Variants in AGAP5 observed in about 807,000 individuals in gnomAD.
AGAP5 encodes ArfGAP with GTPase domain, ankyrin repeat and PH domain 5.
A neutral mutation model predicts 27.7 loss-of-function variants in AGAP5; 8 were observed. That is an observed-to-expected ratio of 0.29 (90% CI 0.17 to 0.52). The LOEUF (loss-of-function observed/expected upper bound fraction) is 0.52. Ranked by LOEUF, AGAP5 falls within the 20% of genes least tolerant of loss-of-function variation. The probability of loss-of-function intolerance (pLI) is 0.97; values close to 1 mark genes in which losing one functional copy is unlikely to be tolerated. For synonymous variants in AGAP5, 111 were observed against 338.0 expected, an observed-to-expected ratio of 0.33 and a Z score of 7.37; for missense variants, 285 against 880.8, an observed-to-expected ratio of 0.32 and a Z score of 8.56.
At position 73,674,380 on chromosome 10, in the gene AGAP5, C is replaced by T. The variant is rs1487386966; in HGVS notation, c.*219G>A. 1.6e-5 allele frequency: 10 copies of T among 627,794 alleles called. No homozygotes were observed. Among genetic ancestry groups the T allele is most frequent in the Non-Finnish European group, 2.6e-5 (9 of 351,370 alleles). The allele number at this position is 627,794 out of a possible 1,614,324, so 38.9% of individuals were successfully genotyped here. ...GCCTGTGTGACTTGGGCAATGTGGC[C>T]AGGAGGGCCTGAGACTAACACATCC... On this transcript the variant is annotated 3_prime_UTR_variant, in exon 8 of 8. Coordinates refer to ENST00000374094, the MANE Select transcript of AGAP5 (RefSeq NM_001144000.4).
At chr10:73,689,050 C>G (rs1035978009) in intron 4 of AGAP5, among the ~76,000 whole-genome samples, 3 of 152,202 alleles carry the variant, frequency 2.0e-5, no homozygotes, top group Admixed American at 6.5e-5. Flanking sequence ...GAAGCTGGAC[C>G]GTACTGCTGC....
chr10:73,697,664 A>T lies in AGAP5; in HGVS notation c.92T>A (p.Ile31Asn), dbSNP rs752251773. The T allele has an allele frequency of 6.2e-7, 1 of 1,601,230 alleles. No homozygotes were observed. The highest frequency in any genetic ancestry group is 1.1e-5 in the South Asian group (1 of 91,006). The change falls in exon 1 of 8, where the codon ATC becomes AAC. Residue 31 changes from isoleucine (I) to asparagine (N), a missense_variant. By Grantham distance (149) the Ile-to-Asn change is moderately radical (BLOSUM62 -3). Coordinates refer to ENST00000374094, the MANE Select transcript of AGAP5 (RefSeq NM_001144000.4). ...QGSVCPSESE[I>N]YEAGAGDRMA... Reference sequence around the variant, plus strand: ...CCTGTCCCCAGCTCCTGCCTCATAGATCTCAGATTCAGAGGGACACACCGA... The same window carrying T: ...CCTGTCCCCAGCTCCTGCCTCATAGTTCTCAGATTCAGAGGGACACACCGA...
At chr10:73,694,573 A>G (rs1001289589) in intron 3 of AGAP5, among the ~76,000 whole-genome samples, 163 bp downstream of exon 3, 2 of 152,378 alleles carry the variant, frequency 1.3e-5, no homozygotes, top group East Asian at 1.9e-4. Flanking sequence ...CACTAACATC[A>G]TAACAACTAA....
chr10:73,692,690 T>G (rs187440613), intron 3 of AGAP5, among the ~76,000 whole-genome samples: 2,237 of 138,956 alleles, frequency 0.016, 46 homozygotes, highest in African/African-American at 0.057. Flanking sequence ...TCACCTAGGC[T>G]CGAGTGCAGT....
chr10:73,693,236 CAT>C (rs2082133785), intron 3 of AGAP5, among the ~76,000 whole-genome samples: 1 of 152,192 alleles, frequency 6.6e-6, no homozygotes, highest in Admixed American at 6.5e-5. Flanking sequence ...ATACAATTCT[CAT>C]ATGTTTTGGA....
intron 2 of AGAP5, among the ~76,000 whole-genome samples, chr10:73,695,505 T>A (rs926986299): frequency 6.6e-6 from 1 of 152,240 alleles, no homozygotes; most frequent in Non-Finnish European, 1.5e-5. Context: ...GTAACATCCA[T>A]CAGGCTTTCC....
chr10:73,677,615 A>G (rs1371269730), intron 6 of AGAP5, among the ~76,000 whole-genome samples: 2 of 151,506 alleles, frequency 1.3e-5, no homozygotes, highest in Non-Finnish European at 2.9e-5. Flanking sequence ...TGAACTCCTA[A>G]CCTCAGGCGA....
chr10:73,697,912 G>C lies in AGAP5; in HGVS notation c.-157C>G. On this transcript the variant is annotated 5_prime_UTR_variant, in exon 1 of 8. Transcript: ENST00000374094. ...AGCGCGGCCCCGGGCACCATCCCTG[G>C]CCCCGGCCCCGGCCCCGGCTAGGGC... 3 of 1,529,396 alleles carry C rather than the reference G, an allele frequency of 2.0e-6. No individual in the cohort carries two copies. In the South Asian group the frequency reaches 3.6e-5, roughly 18 times the overall value. 94.7% of individuals were successfully genotyped at this position (1,529,396 alleles called of 1,614,324 possible).
chr10:73,693,731 C>G (rs969928307), intron 3 of AGAP5, among the ~76,000 whole-genome samples: 58 of 151,728 alleles, frequency 3.8e-4, no homozygotes, highest in African/African-American at 1.3e-3. Context: ...TGGTACCTTC[C>G]CCCTTCCCCT....
chr10:73,688,914 A>G (rs529562653), intron 4 of AGAP5, among the ~76,000 whole-genome samples: 1 of 152,326 alleles, frequency 6.6e-6, no homozygotes, highest in South Asian at 2.1e-4. Context: ...CACTGTAATA[A>G]GAGCACAACT....
intron 4 of AGAP5, among the ~76,000 whole-genome samples, chr10:73,690,178 A>G (rs2082105048): frequency 6.6e-6 from 1 of 152,372 alleles, no homozygotes; most frequent in Middle Eastern, 3.4e-3. Flanking sequence ...GGGGAAAGGT[A>G]GGGAAAAGAT....
intron 4 of AGAP5, among the ~76,000 whole-genome samples, chr10:73,686,782 G>C (rs1476429682): frequency 1.2e-4 from 19 of 152,148 alleles, no homozygotes; most frequent in Non-Finnish European, 1.5e-5. Context: ...ATATATATGA[G>C]GAATACCACC....
At position 73,675,895 on chromosome 10, in the gene AGAP5, T is replaced by C. The variant is rs772420694; in HGVS notation, c.765A>G (p.Thr255=). 2 of 1,614,022 alleles carry C rather than the reference T, an allele frequency of 1.2e-6. No homozygotes were observed. Among genetic ancestry groups the C allele is most frequent in the Non-Finnish European group, 1.7e-6 (2 of 1,179,974 alleles). Residue 255 remains threonine, a synonymous_variant, in exon 8 of 8, where the codon ACA becomes ACG. Transcript: ENST00000374094. Reference sequence around the variant, plus strand: ...TGTCTGGGTGACTCCCTTTCTCAGATGTAAACAGGTTGGACCAGCGCATGG... The same window carrying C: ...TGTCTGGGTGACTCCCTTTCTCAGACGTAAACAGGTTGGACCAGCGCATGG... The part of the protein sequence containing the change: ...KRSMRWSNLF[T]SEKGSHPDKE...
At chr10:73,696,679 T>C (rs2082164732) in intron 2 of AGAP5, among the ~76,000 whole-genome samples, 1 of 152,250 alleles carries the variant, frequency 6.6e-6, no homozygotes, top group African/African-American at 2.4e-5. Context: ...GCCCCGGCTG[T>C]GACATTTCAC....
chr10:73,677,202 G>A (rs979211502), intron 6 of AGAP5, among the ~76,000 whole-genome samples: 2 of 151,356 alleles, frequency 1.3e-5, no homozygotes, highest in Non-Finnish European at 2.9e-5. Flanking sequence ...ATTTTCTGTT[G>A]TCTGAATGAC....
intron 4 of AGAP5, among the ~76,000 whole-genome samples, chr10:73,689,679 C>T (rs1445611339): frequency 6.6e-6 from 1 of 151,922 alleles, no homozygotes; most frequent in Non-Finnish European, 1.5e-5. Context: ...GCCCGGCCGC[C>T]CCGTCTGAGA....
intron 4 of AGAP5, among the ~76,000 whole-genome samples, chr10:73,689,454 C>T (rs1385571776): frequency 6.8e-6 from 1 of 146,208 alleles, no homozygotes; most frequent in Non-Finnish European, 1.5e-5. Flanking sequence ...GCCCCATCGT[C>T]TGGGATGTGA....
chr10:73,687,696 CTT>C (rs2082076974), intron 4 of AGAP5, among the ~76,000 whole-genome samples: 1 of 152,154 alleles, frequency 6.6e-6, no homozygotes, highest in South Asian at 2.1e-4. Context: ...TCAAATTAGA[CTT>C]TGATTTAAAC....
intron 4 of AGAP5, among the ~76,000 whole-genome samples, chr10:73,687,759 C>T (rs1238733542): frequency 2.0e-5 from 3 of 152,160 alleles, no homozygotes; most frequent in Non-Finnish European, 4.4e-5. Context: ...AAATTTATTT[C>T]ATCTCCCTCC....
Sources: allele counts gnomAD v4.1 joint callset (sites outside exome capture counted in the v4.1 genomes callset), GRCh38; gene constraint gnomAD v4.1.1; transcripts MANE v1.5; gene names NCBI Gene and HGNC (gene_info 2026-07-23, HGNC 2026-07-21).